ASRGL1: variants seen among roughly 807,000 people sequenced by gnomAD.
ASRGL1 encodes the protein asparaginase and isoaspartyl peptidase 1, also known as isoaspartyl peptidase/L-asparaginase.
Under a neutral mutation model 22.4 loss-of-function variants are expected in ASRGL1, and 16 were observed. The ratio of observed to expected loss-of-function variants is 0.71; its 90% CI spans 0.48 to 1.08. The LOEUF (loss-of-function observed/expected upper bound fraction) is 1.08, where lower values mean the gene tolerates loss of function less well. ASRGL1 is among the 50% of genes least tolerant of loss of function. The probability of loss-of-function intolerance (pLI) is 0.00; values close to 1 mark genes in which losing one functional copy is unlikely to be tolerated. For synonymous variants in ASRGL1, 165 were observed against 159.3 expected (o/e 1.04, Z -0.27); for missense variants, 412 against 410.1 (o/e 1.00, Z -0.04).
chr11:62,397,133 G>A (rs1371077758), downstream of ASRGL1, among the ~76,000 whole-genome samples: 3 of 152,108 alleles, frequency 2.0e-5, no homozygotes, highest in South Asian at 2.1e-4. Flanking sequence ...GGGTTCAAGC[G>A]ATTCTCCTGC....
intron 4 of ASRGL1, among the ~76,000 whole-genome samples, chr11:62,388,352 C>T (rs1449785505): frequency 6.6e-6 from 1 of 152,068 alleles, no homozygotes; most frequent in African/African-American, 2.4e-5. Flanking sequence ...GCAGCATCAG[C>T]GACACCCGGG....
At chr11:62,383,602 CAAAAAAAAAAA>C (rs35096038) in intron 4 of ASRGL1, among the ~76,000 whole-genome samples, 4 of 21,930 alleles carry the variant, frequency 1.8e-4, no homozygotes, top group South Asian at 4.2e-3. Flanking sequence ...GACTCCTACT[CAAAAAAAAAAA>C]AAAAAAAAAA....
intron 4 of ASRGL1, chr11:62,371,953 CAAAA>C (rs35892721): frequency 2.7e-3 from 1,135 of 420,450 alleles, no homozygotes; most frequent in African/African-American, 6.2e-3. Context: ...GACTCCGTCT[CAAAA>C]AAAAAAAAAA....
chr11:62,361,807 T>G (rs1456887348), intron 4 of ASRGL1, among the ~76,000 whole-genome samples: 2 of 152,056 alleles, frequency 1.3e-5, no homozygotes, highest in Non-Finnish European at 2.9e-5. Context: ...AATAAAATAG[T>G]TACTCAGTTC....
At chr11:62,356,173 G>C in intron 2 of ASRGL1, 152 bp from the exon 3 acceptor site, 1 of 799,112 alleles carries the variant, frequency 1.3e-6, no homozygotes, top group East Asian at 2.9e-5. Context: ...GGGCAGAGGG[G>C]CTCCTCACTT....
At chr11:62,382,292 CT>C (rs1187114046) in intron 4 of ASRGL1, 2 of 152,048 alleles carry the variant, frequency 1.3e-5, no homozygotes, top group Non-Finnish European at 2.9e-5. Flanking sequence ...TCTGAGTTCC[CT>C]CAGTATTTAC....
In ASRGL1 at chr11:62,376,298, T is replaced by C. The variant is rs1178067750; in HGVS notation, c.492-12835T>C. On this transcript the variant is annotated intron_variant, in intron 4 of 6. Transcript: ENST00000415229. ...TGACATCACCATTCTGTTCATCATA[T>C]GAGTTGATGGTGCTCGATTGCAGTG... 2.0e-5 allele frequency among the ~76,000 whole-genome samples: 3 copies of C among 152,126 alleles called. No individual in the cohort carries two copies. In the East Asian group the frequency reaches 5.8e-4, roughly 29 times the overall value.
At chr11:62,356,244 C>G in intron 2 of ASRGL1, 81 bp from the exon 3 acceptor site, 1 of 1,517,404 alleles carries the variant, frequency 6.6e-7, no homozygotes, top group South Asian at 1.2e-5. Context: ...GCTGGCCGGG[C>G]GGGGGGCTGA....
rs191771159 is a variant in ASRGL1, at chr11:62,381,038, G to A, written c.492-8095G>A. ...CCATACTGATTTTCTGGGGGCGGCC[G>A]ATACTGAAGTTCGGCTGGCGGCCAG... is the stretch of plus-strand genomic sequence containing the variant. On this transcript the variant is annotated intron_variant, in intron 4 of 6. Transcript: ENST00000415229. Among the ~76,000 whole-genome samples the A allele has an allele frequency of 4.6e-3, 693 of 152,306 alleles. 12 individuals are homozygous for A. The highest frequency in any genetic ancestry group is 0.016 in the African/African-American group (647 of 41,542).
chr11:62,374,486 C>T (rs1277738699), intron 4 of ASRGL1, among the ~76,000 whole-genome samples: 7 of 152,264 alleles, frequency 4.6e-5, no homozygotes, highest in African/African-American at 1.7e-4. Flanking sequence ...GGACTAGAAA[C>T]TTAAGTGTGA....
chr11:62,357,264 G>GTTTTC, intron 4 of ASRGL1, 120 bp downstream of exon 4: 1 of 1,256,356 alleles, frequency 8.0e-7, no homozygotes, highest in Non-Finnish European at 1.1e-6. Flanking sequence ...GTTTTGTTTT[G>GTTTTC]TTTGACACGG....
In ASRGL1 at chr11:62,367,187, A is replaced by C. The variant is rs141453907; in HGVS notation, c.491+10043A>C. 1.3e-3 allele frequency among the ~76,000 whole-genome samples: 196 copies of C among 151,918 alleles called. 1 individual carries two copies. In the East Asian group the frequency reaches 0.036, roughly 28 times the overall value. Reference sequence around the variant, plus strand: ...CCGCATCTCTACTAAAAATGCAAAAAATTAGCCGGGCATGGTGGTAGGTAC... The same window carrying C: ...CCGCATCTCTACTAAAAATGCAAAACATTAGCCGGGCATGGTGGTAGGTAC... On this transcript the variant is annotated intron_variant, in intron 4 of 6. Transcript: ENST00000415229.
intron 2 of ASRGL1, among the ~76,000 whole-genome samples, chr11:62,340,627 G>A (rs1225444058): frequency 3.9e-5 from 6 of 152,238 alleles, no homozygotes; most frequent in African/African-American, 1.2e-4. Flanking sequence ...CCTTCTCAAC[G>A]TCTGCCCTCT....
chr11:62,345,365 T>C (rs1945990632), intron 2 of ASRGL1, among the ~76,000 whole-genome samples: 1 of 152,160 alleles, frequency 6.6e-6, no homozygotes, highest in South Asian at 2.1e-4. Context: ...ACCTCCCGAG[T>C]ACAAGTAATT....
intron 4 of ASRGL1, among the ~76,000 whole-genome samples, chr11:62,374,257 G>A (rs1458122019): frequency 2.0e-5 from 3 of 152,234 alleles, no homozygotes; most frequent in South Asian, 2.1e-4. Flanking sequence ...CACGGATGCC[G>A]TGACTGCCAC....
the ASRGL1 span, among the ~76,000 whole-genome samples, chr11:62,399,047 G>A: frequency 6.6e-6 from 1 of 152,046 alleles, no homozygotes; most frequent in Admixed American, 6.6e-5. Flanking sequence ...GCAAAACCCC[G>A]TGTCTACTAA....
intron 2 of ASRGL1, among the ~76,000 whole-genome samples, chr11:62,344,869 C>T (rs776236326): frequency 6.6e-6 from 1 of 152,156 alleles, no homozygotes; most frequent in African/African-American, 2.4e-5. Flanking sequence ...CTGCCCCACC[C>T]CCACTATCTC....
At position 62,392,188 on chromosome 11, in the gene ASRGL1, G is replaced by A. The variant is rs1329492992; in HGVS notation, c.831G>A (p.Lys277=). 2 of 1,614,226 alleles carry A rather than the reference G, an allele frequency of 1.2e-6. No individual in the cohort carries two copies. Among genetic ancestry groups the A allele is most frequent in the Non-Finnish European group, 1.7e-6 (2 of 1,180,038 alleles). The change falls in exon 7 of 7, where the codon AAG becomes AAA. Residue 277 remains lysine, a synonymous_variant. Coordinates refer to ENST00000415229, the MANE Select transcript of ASRGL1 (RefSeq NM_001083926.2). ...GCAAAACAGGAGACTGGGTGGCAAA[G>A]TGGACCTCCACCTCCATGCCCTGGG... The part of the protein sequence containing the change: ...VVSKTGDWVA[K]WTSTSMPWAA...
intron 4 of ASRGL1, 123 bp from the exon 5 acceptor site, chr11:62,389,010 G>C: frequency 1.2e-6 from 1 of 830,706 alleles, no homozygotes; most frequent in Non-Finnish European, 2.0e-6. Context: ...TAGAATGTTG[G>C]AATTAAATGG....
Sources: gnomAD v4.1 joint callset for allele counts (sites outside exome capture counted in the v4.1 genomes callset) on GRCh38, gnomAD v4.1.1 for gene constraint, MANE v1.5 for transcripts, NCBI Gene and HGNC (gene_info 2026-07-23, HGNC 2026-07-21) for gene names.